The following LAMA2 variants were observed in gnomAD, a reference collection of about 807,000 sequenced individuals.
The protein encoded by LAMA2 is laminin subunit alpha 2.
LAMA2 carries 269 observed loss-of-function variants against 364.8 expected under a neutral mutation model. The ratio of observed to expected loss-of-function variants is 0.74; its 90% CI spans 0.67 to 0.82. The LOEUF is 0.82. LAMA2 is among the 40% of genes least tolerant of loss of function. The pLI, the probability that LAMA2 is intolerant of heterozygous loss-of-function variation, is 0.00. For synonymous variants in LAMA2, 1,379 were observed against 1,370.6 expected (o/e 1.01, Z -0.14); for missense variants, 3,807 against 3,873.2 (o/e 0.98, Z 0.45).
intron 27 of LAMA2, among the ~76,000 whole-genome samples, chr6:129,316,875 G>T (rs1199640475): frequency 6.6e-6 from 1 of 152,112 alleles, no homozygotes; most frequent in African/African-American, 2.4e-5. Flanking sequence ...TTTAAAGAAA[G>T]AATGTGACAC....
chr6:129,279,021 T>G (rs1432417237), intron 17 of LAMA2, among the ~76,000 whole-genome samples: 3 of 152,198 alleles, frequency 2.0e-5, no homozygotes, highest in African/African-American at 7.2e-5. Context: ...GAATGTTTAA[T>G]TTGTTGTTAT....
At chr6:129,136,077 T>G (rs1244838234) in intron 4 of LAMA2, among the ~76,000 whole-genome samples, 1 of 152,174 alleles carries the variant, frequency 6.6e-6, no homozygotes, top group Admixed American at 6.5e-5. Context: ...TTAGTAATTT[T>G]TTTTGTTTTT....
intron 7 of LAMA2, among the ~76,000 whole-genome samples, chr6:129,151,717 A>T (rs1778806987): frequency 6.6e-6 from 1 of 152,144 alleles, no homozygotes; most frequent in Non-Finnish European, 1.5e-5. Context: ...AGAGCCCCTT[A>T]TAAAACCATC....
chr6:129,124,205 A>G (rs1183575341), intron 4 of LAMA2, among the ~76,000 whole-genome samples: 1 of 152,342 alleles, frequency 6.6e-6, no homozygotes, highest in East Asian at 1.9e-4. Context: ...AAATTCAGAT[A>G]GAAAGCTTGG....
intron 29 of LAMA2, among the ~76,000 whole-genome samples, chr6:129,332,196 G>A (rs1440143862): frequency 2.0e-5 from 3 of 152,168 alleles, no homozygotes; most frequent in Admixed American, 1.3e-4. Flanking sequence ...TTACTATGGT[G>A]TGGGGAGGTA....
At chr6:128,917,706 T>TTTTTTC (rs1554322937) in intron 1 of LAMA2, among the ~76,000 whole-genome samples, 1 of 98,366 alleles carries the variant, frequency 1.0e-5, no homozygotes, top group African/African-American at 4.0e-5. Flanking sequence ...TTTCTTTTTT[T>TTTTTTC]TTTCTTTCTT....
chr6:129,469,009 GA>G (rs1583823567), intron 51 of LAMA2, among the ~76,000 whole-genome samples: 1 of 151,854 alleles, frequency 6.6e-6, no homozygotes, highest in African/African-American at 2.4e-5. Flanking sequence ...AGCATCATAT[GA>G]AAAGATAAAC....
At chr6:129,162,773 G>C (rs557725196) in intron 8 of LAMA2, among the ~76,000 whole-genome samples, 1 of 151,692 alleles carries the variant, frequency 6.6e-6, no homozygotes, top group African/African-American at 2.4e-5. Flanking sequence ...ACTTTGGCCC[G>C]TAGACCAAAT....
chr6:129,210,725 A>G (rs903377360), intron 12 of LAMA2, among the ~76,000 whole-genome samples: 2 of 152,186 alleles, frequency 1.3e-5, no homozygotes, highest in African/African-American at 4.8e-5. Context: ...TTTTTTAGCA[A>G]CAGAACCTGT....
chr6:129,159,959 G>T (rs1458994449), intron 8 of LAMA2, among the ~76,000 whole-genome samples: 1 of 151,998 alleles, frequency 6.6e-6, no homozygotes, highest in Non-Finnish European at 1.5e-5. Flanking sequence ...ATCTCCATTT[G>T]GTTATGATAT....
At chr6:129,031,897 C>T (rs973142395) in intron 1 of LAMA2, among the ~76,000 whole-genome samples, 4 of 152,124 alleles carry the variant, frequency 2.6e-5, no homozygotes, top group African/African-American at 9.7e-5. Context: ...ACGATCTCTG[C>T]AACCTCTACC....
At chr6:129,201,223 T>C in intron 12 of LAMA2, among the ~76,000 whole-genome samples, 1 of 152,130 alleles carries the variant, frequency 6.6e-6, no homozygotes, top group East Asian at 1.9e-4. Flanking sequence ...TGCATTGGTA[T>C]ATTGAGAAAA....
At chr6:129,344,742 G>A (rs1177916768) in intron 30 of LAMA2, among the ~76,000 whole-genome samples, 4 of 152,240 alleles carry the variant, frequency 2.6e-5, no homozygotes, top group Admixed American at 6.5e-5. Context: ...GAACCCAGGC[G>A]GCACTGCCAT....
intron 46 of LAMA2, among the ~76,000 whole-genome samples, chr6:129,453,614 G>T (rs991768434): frequency 4.6e-5 from 7 of 151,992 alleles, no homozygotes; most frequent in Non-Finnish European, 8.8e-5. Flanking sequence ...ATCTACAAAA[G>T]CCCACCCATA....
At chr6:129,283,443 A>G (rs1788874867) in intron 18 of LAMA2, among the ~76,000 whole-genome samples, 2 of 151,962 alleles carry the variant, frequency 1.3e-5, no homozygotes, top group South Asian at 4.2e-4. Flanking sequence ...AGGCAAGTTC[A>G]TCTGGTGGAT....
chr6:128,951,604 G>A (rs1388487796), intron 1 of LAMA2, among the ~76,000 whole-genome samples: 1 of 152,038 alleles, frequency 6.6e-6, no homozygotes, highest in Non-Finnish European at 1.5e-5. Context: ...GTGATCTGAG[G>A]GAGTAATACA....
chr6:129,050,173 G>C, intron 2 of LAMA2, 85 bp downstream of exon 2: 1 of 1,329,408 alleles, frequency 7.5e-7, no homozygotes, highest in East Asian at 2.3e-5. Context: ...TAAATTCAAG[G>C]GTTTGTAATA....
intron 1 of LAMA2, among the ~76,000 whole-genome samples, chr6:128,973,806 A>G (rs1782350039): frequency 1.3e-5 from 2 of 152,128 alleles, no homozygotes; most frequent in African/African-American, 4.8e-5. Flanking sequence ...TAAACCTGTC[A>G]CTTTACCTAC....
intron 1 of LAMA2, among the ~76,000 whole-genome samples, chr6:128,963,187 C>T (rs955113060): frequency 1.3e-5 from 2 of 151,968 alleles, no homozygotes; most frequent in Non-Finnish European, 2.9e-5. Flanking sequence ...AAGCCCCTAT[C>T]CTCCCTCCCT....
Sources: allele counts gnomAD v4.1 joint callset (sites outside exome capture counted in the v4.1 genomes callset), GRCh38; gene constraint gnomAD v4.1.1; transcripts MANE v1.5; gene names NCBI Gene and HGNC (gene_info 2026-07-23, HGNC 2026-07-21).